SEC23A: variants seen among roughly 807,000 people sequenced by gnomAD.
SEC23A encodes SEC23 homolog A, COPII component, also known as protein transport protein Sec23A.
A neutral mutation model predicts 103.7 loss-of-function variants in SEC23A; 56 were observed. The ratio of observed to expected loss-of-function variants is 0.54; its 90% CI spans 0.44 to 0.67. The LOEUF (loss-of-function observed/expected upper bound fraction) is 0.67, where lower values mean the gene tolerates loss of function less well. SEC23A is among the 30% of genes least tolerant of loss of function. The pLI is 0.00. For synonymous variants in SEC23A, 281 were observed against 293.0 expected, an observed-to-expected ratio of 0.96 and a Z score of 0.42; for missense variants, 784 against 936.4, an observed-to-expected ratio of 0.84 and a Z score of 2.12.
At chr14:39,058,598 C>T (rs1019299531) in intron 13 of SEC23A, among the ~76,000 whole-genome samples, 2 of 152,186 alleles carry the variant, frequency 1.3e-5, no homozygotes, top group Non-Finnish European at 2.9e-5. Flanking sequence ...TGAGCCACCG[C>T]GCCCGGCCTT....
rs1566515337 is a variant in SEC23A at position 39,094,436 on chromosome 14, ATATATATTTTTTTTT to A, written c.222-1207_222-1193del. ...TATATATATATATATATATATATATATATATATTTTTTTTTTTTTTTTTTCCCCTCCTGTAGAAAT... is the reference window on the plus strand; with the variant it reads ...TATATATATATATATATATATATATATTTTTTTTTCCCCTCCTGTAGAAAT... On this transcript the variant is annotated intron_variant, in intron 2 of 19. Coordinates refer to ENST00000307712, the MANE Select transcript of SEC23A (RefSeq NM_006364.4). Among the ~76,000 whole-genome samples, 12 of 21,524 alleles carry A rather than the reference ATATATATTTTTTTTT, an allele frequency of 5.6e-4. 4 individuals carry two copies. Among genetic ancestry groups the A allele is most frequent in the African/African-American group, 4.4e-3 (8 of 1,798 alleles). The allele number at this position is 21,524 out of a possible 152,430, so 14.1% of individuals were successfully genotyped here. A position where few individuals can be genotyped will look rare whatever the true frequency, so the allele number is the denominator to read the frequency against.
At chr14:39,039,892 T>C (rs975565243) in intron 18 of SEC23A, 2 of 152,134 alleles carry the variant, frequency 1.3e-5, no homozygotes, top group African/African-American at 4.8e-5. Flanking sequence ...TCAAATGAGA[T>C]AAGGCATGCA....
chr14:39,063,855 G>T (rs1886560629), intron 11 of SEC23A, among the ~76,000 whole-genome samples: 1 of 151,836 alleles, frequency 6.6e-6, no homozygotes, highest in Admixed American at 6.6e-5. Flanking sequence ...AATCAGCCAG[G>T]CATGCTGGCG....
At chr14:39,093,576 AT>A (rs1887738325) in intron 2 of SEC23A, among the ~76,000 whole-genome samples, 2 of 152,158 alleles carry the variant, frequency 1.3e-5, no homozygotes, top group African/African-American at 2.4e-5. Flanking sequence ...CTTGGGCAAT[AT>A]GGTGAAACCC....
intron 2 of SEC23A, among the ~76,000 whole-genome samples, chr14:39,094,432 ATATATATATATTTTTTTTT>A (rs1887810435): frequency 1.1e-4 from 4 of 36,844 alleles, no homozygotes; most frequent in African/African-American, 2.3e-4. Flanking sequence ...ATATATATAT[ATATATATATATTTTTTTTT>A]TTTTTTTTTC....
At chr14:39,097,984 G>T (rs1358810478) in intron 1 of SEC23A, among the ~76,000 whole-genome samples, 1 of 152,058 alleles carries the variant, frequency 6.6e-6, no homozygotes, top group South Asian at 2.1e-4. Flanking sequence ...AGCTACTCAG[G>T]AGGCTGAGGC....
intron 5 of SEC23A, 114 bp downstream of exon 5, chr14:39,091,363 C>T (rs1887656326): frequency 2.7e-6 from 2 of 740,474 alleles, no homozygotes; most frequent in Middle Eastern, 3.6e-4. Flanking sequence ...TGTTATAATA[C>T]AATTATATTA....
chr14:39,045,941 A>G (rs768267317), intron 15 of SEC23A, among the ~76,000 whole-genome samples: 3 of 152,158 alleles, frequency 2.0e-5, no homozygotes, highest in Non-Finnish European at 4.4e-5. Context: ...TTGAATTGTC[A>G]ATTCAAGTTT....
At chr14:39,084,634 C>G (rs1043824583) in intron 7 of SEC23A, among the ~76,000 whole-genome samples, 1 of 152,072 alleles carries the variant, frequency 6.6e-6, no homozygotes, top group African/African-American at 2.4e-5. Context: ...CTCCTAAAAG[C>G]CTTGGATTCT....
At chr14:39,058,213 A>G in intron 13 of SEC23A, among the ~76,000 whole-genome samples, 1 of 152,114 alleles carries the variant, frequency 6.6e-6, no homozygotes, top group Admixed American at 6.5e-5. Context: ...CCACTTTTAC[A>G]TGTAAGAGTG....
chr14:39,080,653 G>A (rs1887194410), intron 7 of SEC23A, among the ~76,000 whole-genome samples: 1 of 152,114 alleles, frequency 6.6e-6, no homozygotes, highest in Non-Finnish European at 1.5e-5. Context: ...TAATCCGCCT[G>A]CCTCGGCCTC....
At chr14:39,087,388 G>A in intron 5 of SEC23A, 5 of 208,478 alleles carry the variant, frequency 2.4e-5, no homozygotes, top group South Asian at 7.4e-5. Flanking sequence ...GGAATACAAT[G>A]GTAAAAACTA....
chr14:39,035,170 A>C (rs903968497), intron 19 of SEC23A, among the ~76,000 whole-genome samples: 2 of 152,196 alleles, frequency 1.3e-5, no homozygotes, highest in Non-Finnish European at 2.9e-5. Flanking sequence ...TAGGATTACT[A>C]GTATCCACCT....
At chr14:39,100,362 C>T (rs1469580752) in intron 1 of SEC23A, among the ~76,000 whole-genome samples, 3 of 152,106 alleles carry the variant, frequency 2.0e-5, no homozygotes, top group Admixed American at 6.6e-5. Flanking sequence ...CAGGCTTAGT[C>T]CCATGTCCGA....
At chr14:39,078,560 G>A (rs1197445149) in intron 7 of SEC23A, among the ~76,000 whole-genome samples, 1 of 152,190 alleles carries the variant, frequency 6.6e-6, no homozygotes. Context: ...ACTACTCTCT[G>A]TAGAAAGCAG....
chr14:39,079,874 T>C (rs1887163107), intron 7 of SEC23A, among the ~76,000 whole-genome samples: 1 of 152,090 alleles, frequency 6.6e-6, no homozygotes, highest in South Asian at 2.1e-4. Flanking sequence ...TTAACAAATC[T>C]AGAGAACAAG....
At chr14:39,059,845 A>G (rs117523763) in intron 13 of SEC23A, among the ~76,000 whole-genome samples, 32 of 152,224 alleles carry the variant, frequency 2.1e-4, no homozygotes, top group Non-Finnish European at 4.3e-4. Flanking sequence ...ATATTTCCCC[A>G]ATTGTCTAAT....
chr14:39,047,514 A>C (rs1411411709), intron 15 of SEC23A: 1 of 641,144 alleles, frequency 1.6e-6, no homozygotes, highest in Non-Finnish European at 2.3e-6. Flanking sequence ...CAACAACAAA[A>C]AAAAAAACAG....
intron 14 of SEC23A, among the ~76,000 whole-genome samples, chr14:39,051,070 T>C (rs1886041664): frequency 6.6e-6 from 1 of 152,248 alleles, no homozygotes; most frequent in African/African-American, 2.4e-5. Flanking sequence ...TAATACTGTT[T>C]AGGTATTAAA....
Sources: gnomAD v4.1 joint callset for allele counts (sites outside exome capture counted in the v4.1 genomes callset) on GRCh38, gnomAD v4.1.1 for gene constraint, MANE v1.5 for transcripts, NCBI Gene and HGNC (gene_info 2026-07-23, HGNC 2026-07-21) for gene names.